The following AOAH variants were observed in gnomAD, a reference collection of about 807,000 sequenced individuals.
AOAH encodes acyloxyacyl hydrolase.
AOAH carries 64 observed loss-of-function variants against 92.2 expected under a neutral mutation model. That is an observed-to-expected ratio of 0.69 (90% CI 0.57 to 0.86). The LOEUF (loss-of-function observed/expected upper bound fraction) is 0.86, where lower values mean the gene tolerates loss of function less well. Ranked by LOEUF, AOAH falls within the 40% of genes least tolerant of loss-of-function variation. The probability of loss-of-function intolerance (pLI) is 0.00; values close to 1 mark genes in which losing one functional copy is unlikely to be tolerated. For synonymous variants in AOAH, 263 were observed against 254.5 expected, an observed-to-expected ratio of 1.03 and a Z score of -0.32; for missense variants, 656 against 694.6, an observed-to-expected ratio of 0.94 and a Z score of 0.62.
intron 16 of AOAH, among the ~76,000 whole-genome samples, chr7:36,536,847 A>T (rs1007680496): frequency 1.4e-5 from 2 of 142,352 alleles, no homozygotes; most frequent in Non-Finnish European, 3.0e-5. Context: ...TACTCGGGGG[A>T]GCTGAGGCAG....
At chr7:36,558,058 G>C (rs1270015580) in intron 13 of AOAH, among the ~76,000 whole-genome samples, 1 of 152,174 alleles carries the variant, frequency 6.6e-6, no homozygotes, top group Non-Finnish European at 1.5e-5. Flanking sequence ...GAGGAGAGGC[G>C]CTCTGCTTTT....
At chr7:36,719,978 G>A (rs1404685703) in intron 1 of AOAH, among the ~76,000 whole-genome samples, 1 of 151,810 alleles carries the variant, frequency 6.6e-6, no homozygotes, top group East Asian at 1.9e-4. Context: ...GCTCAGATGG[G>A]ATGATCAGAA....
chr7:36,686,908 G>A (rs1330570155), intron 1 of AOAH, 114 bp from the exon 2 acceptor site: 4 of 530,480 alleles, frequency 7.5e-6, no homozygotes, highest in Non-Finnish European at 1.3e-5. Context: ...CCTTAAGAAG[G>A]CCAACCTTTC....
intron 2 of AOAH, among the ~76,000 whole-genome samples, chr7:36,686,058 C>A (rs1321417091): frequency 6.6e-6 from 1 of 151,838 alleles, no homozygotes; most frequent in Non-Finnish European, 1.5e-5. Context: ...GAAGTTTATT[C>A]ATTACGACTG....
intron 6 of AOAH, among the ~76,000 whole-genome samples, chr7:36,630,329 C>T (rs555069601): frequency 6.6e-6 from 1 of 152,352 alleles, no homozygotes; most frequent in African/African-American, 2.4e-5. Flanking sequence ...GTGTTCTCAG[C>T]CATCCACAAG....
intron 3 of AOAH, among the ~76,000 whole-genome samples, chr7:36,670,247 G>A (rs1795833605): frequency 6.6e-6 from 1 of 152,190 alleles, no homozygotes; most frequent in Admixed American, 6.5e-5. Context: ...TCATGAGGTT[G>A]TCATTTTCAG....
chr7:36,517,597 C>CTTTTTTTTTT (rs70977159), intron 20 of AOAH, among the ~76,000 whole-genome samples: 8 of 89,578 alleles, frequency 8.9e-5, no homozygotes, highest in East Asian at 3.3e-4. Flanking sequence ...GACTTTATAT[C>CTTTTTTTTTT]TTTTTTTTTT....
At chr7:36,649,494 G>A (rs565710119) in intron 4 of AOAH, among the ~76,000 whole-genome samples, 28 of 152,262 alleles carry the variant, frequency 1.8e-4, no homozygotes, top group African/African-American at 6.0e-4. Flanking sequence ...GCTCACACCC[G>A]ACCAATCAGG....
chr7:36,550,939 C>G (rs546218709), intron 13 of AOAH, among the ~76,000 whole-genome samples: 1 of 152,278 alleles, frequency 6.6e-6, no homozygotes, highest in African/African-American at 2.4e-5. Flanking sequence ...ATGATTGCCT[C>G]TTTGTCACAT....
intron 2 of AOAH, among the ~76,000 whole-genome samples, chr7:36,676,176 T>A (rs954081639): frequency 2.0e-5 from 3 of 152,216 alleles, no homozygotes; most frequent in African/African-American, 7.2e-5. Context: ...GATGTAAGAC[T>A]ATCTTGTGGC....
At chr7:36,639,269 C>G (rs1793733288) in intron 4 of AOAH, among the ~76,000 whole-genome samples, 1 of 152,176 alleles carries the variant, frequency 6.6e-6, no homozygotes, top group Admixed American at 6.5e-5. Context: ...GTAACAGACA[C>G]CAGATTTTCA....
chr7:36,563,495 C>T (rs184715811), intron 13 of AOAH, among the ~76,000 whole-genome samples: 18 of 152,256 alleles, frequency 1.2e-4, no homozygotes, highest in Non-Finnish European at 1.3e-4. Flanking sequence ...ACTTGGCCTG[C>T]TATTTAATTT....
At chr7:36,672,569 A>G (rs1480136920) in intron 3 of AOAH, among the ~76,000 whole-genome samples, 1 of 152,218 alleles carries the variant, frequency 6.6e-6, no homozygotes, top group African/African-American at 2.4e-5. Flanking sequence ...GAGTTGAACA[A>G]TGCGAACACA....
At chr7:36,665,673 G>A (rs534398365) in intron 3 of AOAH, among the ~76,000 whole-genome samples, 95 of 152,158 alleles carry the variant, frequency 6.2e-4, no homozygotes, top group African/African-American at 2.1e-3. Context: ...GTTCATTGTA[G>A]TCTTTTTGTA....
intron 13 of AOAH, among the ~76,000 whole-genome samples, chr7:36,576,134 G>A (rs555282565): frequency 6.6e-6 from 1 of 152,312 alleles, no homozygotes. Flanking sequence ...GGTCCAAGGT[G>A]GAAGATTGAA....
At position 36,522,120 on chromosome 7, in the gene AOAH, AG is replaced by A; in HGVS notation, c.1523-6del. ...TCTTCTGCCACTCCTGTATGACTGC[AG>A]GGCACATAACGAGAGGGTTACAGAC... On this transcript the variant is annotated splice_region_variant and splice_polypyrimidine_tract_variant and intron_variant, in intron 19 of 20. Coordinates refer to ENST00000617537, the MANE Select transcript of AOAH (RefSeq NM_001637.4). 6.2e-7 allele frequency: 1 copy of A among 1,614,064 alleles called. No individual in the cohort carries two copies. Among genetic ancestry groups the A allele is most frequent in the Non-Finnish European group, 8.5e-7 (1 of 1,179,948 alleles).
chr7:36,597,168 T>C (rs930715141), intron 11 of AOAH, among the ~76,000 whole-genome samples: 1 of 152,112 alleles, frequency 6.6e-6, no homozygotes, highest in Admixed American at 6.5e-5. Flanking sequence ...TGATGATTTA[T>C]CCTCTTTAAA....
chr7:36,546,542 T>C (rs1785813376), intron 15 of AOAH, among the ~76,000 whole-genome samples: 1 of 152,200 alleles, frequency 6.6e-6, no homozygotes, highest in South Asian at 2.1e-4. Flanking sequence ...CACAGGTCTC[T>C]GGCTGATGTC....
chr7:36,564,513 T>C (rs1330095813), intron 13 of AOAH, among the ~76,000 whole-genome samples: 1 of 152,114 alleles, frequency 6.6e-6, no homozygotes, highest in African/African-American at 2.4e-5. Context: ...AGACCAGAGG[T>C]AAAAGCCTCA....
Sources: gnomAD v4.1 joint callset for allele counts (sites outside exome capture counted in the v4.1 genomes callset) on GRCh38, gnomAD v4.1.1 for gene constraint, MANE v1.5 for transcripts, NCBI Gene and HGNC (gene_info 2026-07-23, HGNC 2026-07-21) for gene names.